The following WSB2 variants were observed in gnomAD, a reference collection of about 807,000 sequenced individuals.
The protein encoded by WSB2 is WD repeat and SOCS box containing 2.
A neutral mutation model predicts 48.8 loss-of-function variants in WSB2; 12 were observed. The observed-to-expected ratio is 0.25, with a 90% confidence interval of 0.16 to 0.40. WSB2 has a LOEUF of 0.40. Among genes scored for constraint, WSB2 ranks in the 10% least tolerant of loss-of-function variants. The pLI, the probability that WSB2 is intolerant of heterozygous loss-of-function variation, is 1.00. For synonymous variants in WSB2, 191 were observed against 203.1 expected (o/e 0.94, Z 0.51); for missense variants, 317 against 506.2 (o/e 0.63, Z 3.59).
At chr12:118,050,396 C>T (rs1004940290) in intron 2 of WSB2, among the ~76,000 whole-genome samples, 3 of 152,158 alleles carry the variant, frequency 2.0e-5, no homozygotes, top group Non-Finnish European at 4.4e-5. Flanking sequence ...CACCTGTAAT[C>T]CCAGCTACTT....
chr12:118,038,858 T>G (rs2031569332), intron 4 of WSB2, among the ~76,000 whole-genome samples: 1 of 152,108 alleles, frequency 6.6e-6, no homozygotes, highest in Non-Finnish European at 1.5e-5. Flanking sequence ...TTTTTGTACT[T>G]TTAGTAGAGA....
At chr12:118,048,995 A>C (rs1269171787) in intron 2 of WSB2, among the ~76,000 whole-genome samples, 1 of 152,234 alleles carries the variant, frequency 6.6e-6, no homozygotes, top group Non-Finnish European at 1.5e-5. Flanking sequence ...GACAGAAAAA[A>C]GACATATTTA....
rs1026097539 is a variant in WSB2 at position 118,061,081 on chromosome 12, G to C, written c.-33C>G. On this transcript the variant is annotated 5_prime_UTR_variant, in exon 1 of 9. Transcript: ENST00000315436. ...GCGAGCGGCCCCCGCGGCAGGCGGCGGGCGCCTCAGCCCCCCGGGCCGCGG... is the reference window on the plus strand; with the variant it reads ...GCGAGCGGCCCCCGCGGCAGGCGGCCGGCGCCTCAGCCCCCCGGGCCGCGG... The C allele has an allele frequency of 1.7e-5, 17 of 981,680 alleles. No individual in the cohort carries two copies. In the African/African-American group the frequency reaches 2.8e-4, roughly 16 times the overall value. The allele number at this position is 981,680 out of a possible 1,614,324, so 60.8% of individuals were successfully genotyped here.
At chr12:118,059,409 C>T (rs1040608309) in intron 1 of WSB2, among the ~76,000 whole-genome samples, 1 of 152,042 alleles carries the variant, frequency 6.6e-6, no homozygotes, top group East Asian at 1.9e-4. Flanking sequence ...GTGCCTGGCA[C>T]ATAGTAGACG....
chr12:118,054,941 G>A (rs543007413), intron 1 of WSB2, among the ~76,000 whole-genome samples: 1 of 150,530 alleles, frequency 6.6e-6, no homozygotes, highest in African/African-American at 2.4e-5. Flanking sequence ...CACTTTGGTA[G>A]GCCGAGATGG....
At chr12:118,056,207 TTC>T (rs891378152) in intron 1 of WSB2, among the ~76,000 whole-genome samples, 2 of 152,074 alleles carry the variant, frequency 1.3e-5, no homozygotes, top group African/African-American at 4.8e-5. Context: ...GGGCTTGTAC[TTC>T]TCTCCCTGCC....
chr12:118,035,619 C>A, intron 6 of WSB2: 1 of 332,112 alleles, frequency 3.0e-6, no homozygotes, highest in East Asian at 6.2e-5. Flanking sequence ...CTTTTTTAGG[C>A]TAAGATACAT....
chr12:118,034,458 G>A (rs1001397061), intron 8 of WSB2, 100 bp from the exon 9 acceptor site: 13 of 1,407,230 alleles, frequency 9.2e-6, no homozygotes, highest in Non-Finnish European at 1.3e-5. Context: ...AAGAGCAGGA[G>A]ACTTCGGAGA....
intron 4 of WSB2, among the ~76,000 whole-genome samples, chr12:118,041,514 T>A (rs1488174029): frequency 6.6e-6 from 1 of 152,038 alleles, no homozygotes; most frequent in African/African-American, 2.4e-5. Context: ...AGGAGAAAGG[T>A]CCCTCCCATG....
At chr12:118,052,758 A>C (rs2031879091) in intron 1 of WSB2, among the ~76,000 whole-genome samples, 1 of 152,190 alleles carries the variant, frequency 6.6e-6, no homozygotes, top group Admixed American at 6.5e-5. Context: ...GAATACTTGA[A>C]GGGGAGGAAA....
upstream of WSB2, chr12:118,061,227 G>A: frequency 1.0e-6 from 1 of 981,964 alleles, no homozygotes; most frequent in Non-Finnish European, 1.2e-6. Context: ...GGGGCGGGGC[G>A]CAGGGGAAAC....
intron 2 of WSB2, among the ~76,000 whole-genome samples, chr12:118,043,675 G>A (rs2031687943): frequency 6.6e-6 from 1 of 152,132 alleles, no homozygotes; most frequent in South Asian, 2.1e-4. Flanking sequence ...TCAAACTCCT[G>A]AGCTCAAGTG....
chr12:118,039,611 G>C (rs914066264), intron 4 of WSB2, among the ~76,000 whole-genome samples: 1 of 152,144 alleles, frequency 6.6e-6, no homozygotes, highest in Non-Finnish European at 1.5e-5. Flanking sequence ...GGGCAAGAGA[G>C]AGAATTGGGA....
chr12:118,051,053 A>G (rs1291075526), intron 2 of WSB2, among the ~76,000 whole-genome samples: 1 of 152,036 alleles, frequency 6.6e-6, no homozygotes, highest in Non-Finnish European at 1.5e-5. Flanking sequence ...CTCTGTCTCA[A>G]AAAAAGAAAA....
At chr12:118,046,979 C>G (rs2031758895) in intron 2 of WSB2, among the ~76,000 whole-genome samples, 1 of 152,036 alleles carries the variant, frequency 6.6e-6, no homozygotes, top group African/African-American at 2.4e-5. Flanking sequence ...CTATGCTGCC[C>G]AGGTTAGTCA....
At chr12:118,038,132 G>C (rs939003418) in intron 5 of WSB2, 156 bp downstream of exon 5, 3 of 580,666 alleles carry the variant, frequency 5.2e-6, no homozygotes, top group Non-Finnish European at 8.6e-6. Context: ...TAAAGTGCAA[G>C]TCACAAGGGA....
chr12:118,062,085 G>C (rs1288394681), upstream of WSB2: 1 of 1,534,790 alleles, frequency 6.5e-7, no homozygotes. Flanking sequence ...GAAGAAGACT[G>C]TCCCCTTACC....
Position 118,048,534 on chromosome 12 carries a change from C to T in WSB2, c.182+3776G>A, listed in dbSNP as rs932903284. On this transcript the variant is annotated intron_variant, in intron 2 of 8. Transcript: ENST00000315436. ...CCAGGAGGCAGAGGTTAAAGTGAGC[C>T]GAGATGCGCCACTACACTCTGGCCT... 9.3e-5 allele frequency among the ~76,000 whole-genome samples: 14 copies of T among 150,594 alleles called. No homozygotes were observed. The South Asian group carries it at 1.5e-3, about 16-fold the overall frequency.
Position 118,055,907 on chromosome 12 carries a change from G to A in WSB2, c.14-3429C>T, listed in dbSNP as rs563834485. On this transcript the variant is annotated intron_variant, in intron 1 of 8. Transcript: ENST00000315436. ...TGGGATTACAGGTGTAAACCACCAC[G>A]TCTGTTTTTTTTTTTTTAAATCTCC... Among the ~76,000 whole-genome samples the A allele has an allele frequency of 6.4e-4, 89 of 139,030 alleles. 1 individual carries two copies. The highest frequency in any genetic ancestry group is 1.1e-3 in the South Asian group (5 of 4,546). The allele number at this position is 139,030 out of a possible 152,430, so 91.2% of individuals were successfully genotyped here. A position where few individuals can be genotyped will look rare whatever the true frequency, so the allele number is the denominator to read the frequency against.
Sources: allele counts gnomAD v4.1 joint callset (sites outside exome capture counted in the v4.1 genomes callset), GRCh38; gene constraint gnomAD v4.1.1; transcripts MANE v1.5; gene names NCBI Gene and HGNC (gene_info 2026-07-23, HGNC 2026-07-21).